Variants in PPP2R5E observed in about 807,000 individuals in gnomAD.
PPP2R5E encodes the protein protein phosphatase 2 regulatory subunit B'epsilon.
In PPP2R5E, 4 loss-of-function variants were observed where a neutral mutation model predicts 65.3. The ratio of observed to expected loss-of-function variants is 0.06; its 90% CI spans 0.03 to 0.14. The LOEUF (loss-of-function observed/expected upper bound fraction) is 0.14, where lower values mean the gene tolerates loss of function less well. Ranked by LOEUF, PPP2R5E falls within the 10% of genes least tolerant of loss-of-function variation. The pLI is 1.00. For missense variants in PPP2R5E, 274 were observed against 556.1 expected (o/e 0.49, Z 5.10); for synonymous variants, 183 against 187.4 (o/e 0.98, Z 0.19).
chr14:63,393,864 T>C lies in PPP2R5E; in HGVS notation c.805A>G (p.Ile269Val), dbSNP rs1885171542. The stretch of plus-strand genomic sequence containing the variant: ...AAGCTCCTGACAGTGTGTAAAGGGA[T>C]CAATACTTTCACCAGAAACTGTTTG... Reference protein sequence around the residue: ...EHKQFLVKVLIPLHTVRSLSL... With the variant: ...EHKQFLVKVLVPLHTVRSLSL... Residue 269 changes from isoleucine to valine, a missense_variant, in exon 8 of 14, where the codon ATC (isoleucine) becomes GTC (valine). Ile to Val is a conservative substitution (Grantham distance 29). Coordinates refer to ENST00000337537, the MANE Select transcript of PPP2R5E (RefSeq NM_006246.5). The C allele has an allele frequency of 6.2e-7, 1 of 1,611,588 alleles. No homozygotes were observed. Among genetic ancestry groups the C allele is most frequent in the Non-Finnish European group, 8.5e-7 (1 of 1,177,858 alleles).
At chr14:63,452,132 T>G (rs114529928) in intron 3 of PPP2R5E, 7 of 152,264 alleles carry the variant, frequency 4.6e-5, no homozygotes, top group African/African-American at 1.7e-4. Context: ...AAAAAAATAT[T>G]TATACATATG....
intron 2 of PPP2R5E, among the ~76,000 whole-genome samples, chr14:63,460,895 C>T (rs1002430435): frequency 2.0e-5 from 3 of 152,056 alleles, no homozygotes; most frequent in African/African-American, 7.3e-5. Context: ...CACACATACA[C>T]ACATGCACAC....
At chr14:63,421,710 CTCT>C (rs994696583) in intron 4 of PPP2R5E, among the ~76,000 whole-genome samples, 1 of 152,154 alleles carries the variant, frequency 6.6e-6, no homozygotes, top group African/African-American at 2.4e-5. Flanking sequence ...TTGTTGGAGG[CTCT>C]AGAGGGCAGG....
chr14:63,468,069 T>C (rs747495642), intron 2 of PPP2R5E, among the ~76,000 whole-genome samples: 6 of 152,194 alleles, frequency 3.9e-5, no homozygotes, highest in Non-Finnish European at 8.8e-5. Flanking sequence ...TGGGACACAT[T>C]TGGTGCTCAA....
At chr14:63,397,254 C>A (rs1885449041) in intron 5 of PPP2R5E, among the ~76,000 whole-genome samples, 1 of 152,162 alleles carries the variant, frequency 6.6e-6, no homozygotes, top group Admixed American at 6.5e-5. Flanking sequence ...GTAATCCCAG[C>A]ACCTGGGGAG....
intron 4 of PPP2R5E, among the ~76,000 whole-genome samples, chr14:63,420,709 A>C (rs1886961316): frequency 1.3e-5 from 2 of 152,192 alleles, no homozygotes; most frequent in Admixed American, 1.3e-4. Flanking sequence ...AAACTCTTAG[A>C]ATATCTCTAG....
At chr14:63,378,799 AC>A (rs1884140149) in intron 13 of PPP2R5E, among the ~76,000 whole-genome samples, 1 of 152,200 alleles carries the variant, frequency 6.6e-6, no homozygotes, top group Non-Finnish European at 1.5e-5. Context: ...TATTCCACCC[AC>A]CATTTTCAGA....
Position 63,486,327 on chromosome 14 carries a change from C to T in PPP2R5E, c.158-32442G>A, listed in dbSNP as rs772277068. On this transcript the variant is annotated intron_variant, in intron 2 of 13. Transcript: ENST00000337537. ...ACACACACACACACACACACACACA[C>T]ATCCTTTAAACATTTCTACCAGGGA... Among the ~76,000 whole-genome samples, 715 of 149,092 alleles carry T rather than the reference C, an allele frequency of 4.8e-3. 4 individuals are homozygous for T. The highest frequency in any genetic ancestry group is 6.7e-3 in the Non-Finnish European group (453 of 67,492).
chr14:63,514,581 G>A (rs909196858), intron 2 of PPP2R5E, among the ~76,000 whole-genome samples: 3 of 151,906 alleles, frequency 2.0e-5, no homozygotes, highest in African/African-American at 7.3e-5. Flanking sequence ...AGTAAGAAGC[G>A]ATACTATAGT....
intron 13 of PPP2R5E, among the ~76,000 whole-genome samples, chr14:63,377,168 A>T (rs1013469806): frequency 4.6e-5 from 7 of 152,098 alleles, no homozygotes; most frequent in Non-Finnish European, 1.0e-4. Flanking sequence ...ATAAAAAAAA[A>T]AAAATGCTGA....
rs1465633712 is a variant in PPP2R5E at position 63,371,726 on chromosome 14, A to AG, written c.*4282dup. 35 of 152,278 alleles carry AG rather than the reference A, an allele frequency of 2.3e-4. No individual in the cohort carries two copies. The highest frequency in any genetic ancestry group is 8.4e-4 in the African/African-American group (35 of 41,558). 9.4% of individuals were successfully genotyped at this position (152,278 alleles called of 1,614,324 possible). ...TTCATTTTTACCTCTACTCACAAAG[A>AG]GATGCTGTTTAAAAAAACACACACA... is the stretch of plus-strand genomic sequence containing the variant. On this transcript the variant is annotated 3_prime_UTR_variant, in exon 14 of 14. Transcript: ENST00000337537.
intron 3 of PPP2R5E, among the ~76,000 whole-genome samples, chr14:63,443,384 A>G (rs1353819653): frequency 3.3e-5 from 5 of 152,228 alleles, no homozygotes; most frequent in African/African-American, 7.2e-5. Context: ...AATAAAAATA[A>G]TAACAGCAAA....
intron 2 of PPP2R5E, among the ~76,000 whole-genome samples, chr14:63,469,120 A>T (rs1272768078): frequency 6.6e-6 from 1 of 152,206 alleles, no homozygotes; most frequent in African/African-American, 2.4e-5. Flanking sequence ...CACTTTTTAC[A>T]TGCCAGGCAC....
intron 3 of PPP2R5E, among the ~76,000 whole-genome samples, chr14:63,441,570 G>A (rs1339264504): frequency 6.6e-6 from 1 of 152,194 alleles, no homozygotes; most frequent in Non-Finnish European, 1.5e-5. Flanking sequence ...TGAGTCACAT[G>A]TACCTTTGAA....
intron 2 of PPP2R5E, among the ~76,000 whole-genome samples, chr14:63,514,509 A>G (rs557752872): frequency 1.2e-4 from 18 of 152,170 alleles, no homozygotes; most frequent in African/African-American, 3.1e-4. Context: ...TTAAAAAAAA[A>G]AGAGAGAGAG....
intron 2 of PPP2R5E, among the ~76,000 whole-genome samples, chr14:63,508,678 T>C (rs1475481318): frequency 3.3e-5 from 5 of 152,248 alleles, no homozygotes; most frequent in African/African-American, 1.2e-4. Flanking sequence ...GGGGATGTTC[T>C]TAACCCTTCC....
chr14:63,466,684 C>T (rs1194954733), intron 2 of PPP2R5E, among the ~76,000 whole-genome samples: 1 of 152,050 alleles, frequency 6.6e-6, no homozygotes, highest in Non-Finnish European at 1.5e-5. Flanking sequence ...TTTATTTCCT[C>T]GTGTGTATAA....
At chr14:63,523,743 T>TAAA (rs201593214) in intron 2 of PPP2R5E, among the ~76,000 whole-genome samples, 1 of 128,420 alleles carries the variant, frequency 7.8e-6, no homozygotes, top group Non-Finnish European at 1.7e-5. Context: ...GGTTACACGC[T>TAAA]AAAAAAAAAA....
At chr14:63,385,686 G>A (rs1436963968) in intron 11 of PPP2R5E, among the ~76,000 whole-genome samples, 1 of 151,924 alleles carries the variant, frequency 6.6e-6, no homozygotes, top group Non-Finnish European at 1.5e-5. Flanking sequence ...CCCAGAAGGA[G>A]ATACCATTGT....
Sources: gnomAD v4.1 joint callset for allele counts (sites outside exome capture counted in the v4.1 genomes callset) on GRCh38, gnomAD v4.1.1 for gene constraint, MANE v1.5 for transcripts, NCBI Gene and HGNC (gene_info 2026-07-23, HGNC 2026-07-21) for gene names.